CTXND1: variants seen among roughly 807,000 people sequenced by gnomAD.
CTXND1 encodes cortexin domain containing 1, also known as cortexin domain-containing 1 protein.
intron 1 of CTXND1, among the ~76,000 whole-genome samples, chr15:80,234,274 G>C (rs1893467650): frequency 6.6e-6 from 1 of 152,140 alleles, no homozygotes; most frequent in South Asian, 2.1e-4. Context: ...GAGACCAGGG[G>C]ACATTTGGAT....
At chr15:80,236,071 T>C (rs2141461186) in intron 1 of CTXND1, among the ~76,000 whole-genome samples, 1 of 149,394 alleles carries the variant, frequency 6.7e-6, no homozygotes, top group East Asian at 2.0e-4. Context: ...TAATGCTTGA[T>C]GGAACAGGGT....
rs2041432111 is a variant in CTXND1 at position 80,198,564 on chromosome 15, T to C, written c.*3206A>G. 1 of 152,254 alleles carries C rather than the reference T, an allele frequency of 6.6e-6. No individual in the cohort carries two copies. Among genetic ancestry groups the C allele is most frequent in the Admixed American group, 6.5e-5 (1 of 15,288 alleles). 9.4% of individuals were successfully genotyped at this position (152,254 alleles called of 1,614,324 possible). ...TGATCACAAAGGACCATCTCCTCTA[T>C]GCTTCAGCAGCATAATGCAACAACT... On this transcript the variant is annotated 3_prime_UTR_variant, in exon 3 of 3. Transcript: ENST00000560778.
intron 1 of CTXND1, among the ~76,000 whole-genome samples, chr15:80,204,023 C>T (rs970087968): frequency 4.0e-5 from 6 of 149,918 alleles, no homozygotes; most frequent in African/African-American, 1.2e-4. Context: ...TTTAGCCGGG[C>T]GTGGTGGTGC....
At chr15:80,203,303 C>G (rs1179142128) in intron 2 of CTXND1, among the ~76,000 whole-genome samples, 1 of 152,172 alleles carries the variant, frequency 6.6e-6, no homozygotes, top group Non-Finnish European at 1.5e-5. Flanking sequence ...CCCCTGGAAG[C>G]AAGTTACCCA....
At chr15:80,204,647 G>GTGTA (rs1399579470) in intron 1 of CTXND1, among the ~76,000 whole-genome samples, 4 of 131,398 alleles carry the variant, frequency 3.0e-5, no homozygotes, top group South Asian at 2.7e-4. Context: ...ATATTCCATT[G>GTGTA]TATATATATA....
chr15:80,232,940 C>CTTT (rs1567133478), intron 1 of CTXND1, among the ~76,000 whole-genome samples: 10 of 128,764 alleles, frequency 7.8e-5, no homozygotes, highest in African/African-American at 2.6e-4. Flanking sequence ...AATGCAACTT[C>CTTT]CTTTTTTTTT....
At chr15:80,246,403 C>T (rs1226912776) in intron 1 of CTXND1, among the ~76,000 whole-genome samples, 5 of 152,262 alleles carry the variant, frequency 3.3e-5, no homozygotes, top group Middle Eastern at 3.4e-3. Context: ...GCTGTTTATC[C>T]GTTTGTGATT....
rs1280577039 is a variant in CTXND1 at position 80,220,173 on chromosome 15, TTATC to T, written c.-217-16437_-217-16434del. Among the ~76,000 whole-genome samples, 908 of 144,754 alleles carry T rather than the reference TTATC, an allele frequency of 6.3e-3. 7 individuals are homozygous for T. Among genetic ancestry groups the T allele is most frequent in the African/African-American group, 0.023 (851 of 37,690 alleles). The allele number at this position is 144,754 out of a possible 152,430, so 95.0% of individuals were successfully genotyped here. ...TCTATCTATCTATCTATCTATCTAT[TTATC>T]TATCTATCTATATTAGAATTCTACA... On this transcript the variant is annotated intron_variant, in intron 1 of 2. Coordinates refer to ENST00000560778, the MANE Select transcript of CTXND1 (RefSeq NM_001352888.2).
chr15:80,240,515 C>G (rs774443901), intron 1 of CTXND1, among the ~76,000 whole-genome samples: 14 of 152,292 alleles, frequency 9.2e-5, no homozygotes, highest in Middle Eastern at 6.8e-3. Context: ...ACACTCCCCC[C>G]CCACCACCCA....
chr15:80,218,637 G>A (rs192419998), intron 1 of CTXND1, among the ~76,000 whole-genome samples: 135 of 151,116 alleles, frequency 8.9e-4, no homozygotes, highest in Admixed American at 2.4e-3. Flanking sequence ...TATATTTTCC[G>A]TTGATATTTT....
At chr15:80,241,605 G>A (rs1893567824) in intron 1 of CTXND1, among the ~76,000 whole-genome samples, 1 of 152,176 alleles carries the variant, frequency 6.6e-6, no homozygotes, top group South Asian at 2.1e-4. Flanking sequence ...TGCAGGGCAG[G>A]GTGGGTGCTC....
chr15:80,245,156 C>T (rs927200192), intron 1 of CTXND1, among the ~76,000 whole-genome samples: 2 of 152,122 alleles, frequency 1.3e-5, no homozygotes, highest in African/African-American at 2.4e-5. Context: ...CAGCGGCTAT[C>T]GTGATCATGC....
At chr15:80,231,924 G>A (rs537119998) in intron 1 of CTXND1, among the ~76,000 whole-genome samples, 2 of 152,286 alleles carry the variant, frequency 1.3e-5, no homozygotes, top group South Asian at 4.1e-4. Context: ...GGACTGTTAT[G>A]GTTATTAAGG....
Position 80,201,987 on chromosome 15 carries a change from C to T in CTXND1, c.-38G>A, listed in dbSNP as rs1004107511. ...ACTGCGGGCTGCTCCTCCTCCGCCTCGGGTTTGACTGGTACCATTTTCCAC... is the reference window on the plus strand; with the variant it reads ...ACTGCGGGCTGCTCCTCCTCCGCCTTGGGTTTGACTGGTACCATTTTCCAC... On this transcript the variant is annotated 5_prime_UTR_variant, in exon 3 of 3. Transcript: ENST00000560778. The T allele has an allele frequency of 7.5e-6, 3 of 398,960 alleles. No homozygotes were observed. The highest frequency in any genetic ancestry group is 3.6e-5 in the East Asian group (1 of 28,102). 24.7% of individuals were successfully genotyped at this position (398,960 alleles called of 1,614,324 possible). A position where few individuals can be genotyped will look rare whatever the true frequency, so the allele number is the denominator to read the frequency against.
At chr15:80,228,689 G>C (rs2142133729) in intron 1 of CTXND1, among the ~76,000 whole-genome samples, 1 of 151,152 alleles carries the variant, frequency 6.6e-6, no homozygotes, top group East Asian at 2.0e-4. Context: ...GAGTGCAGTG[G>C]TGCGATCTTG....
chr15:80,218,587 C>A (rs573206251), intron 1 of CTXND1, among the ~76,000 whole-genome samples: 1 of 151,848 alleles, frequency 6.6e-6, no homozygotes, highest in African/African-American at 2.4e-5. Context: ...GAATTGTTTT[C>A]TTATTATTTA....
At chr15:80,224,333 A>T (rs918471694) in intron 1 of CTXND1, among the ~76,000 whole-genome samples, 7 of 152,228 alleles carry the variant, frequency 4.6e-5, no homozygotes, top group African/African-American at 1.7e-4. Flanking sequence ...AATAATTGCT[A>T]TTGTTATAAG....
chr15:80,228,328 C>T (rs527573576), intron 1 of CTXND1, among the ~76,000 whole-genome samples: 31 of 152,328 alleles, frequency 2.0e-4, no homozygotes, highest in African/African-American at 7.5e-4. Context: ...TTCTTAATGG[C>T]ATCTAGAATG....
chr15:80,222,490 T>C (rs1893328756), intron 1 of CTXND1, among the ~76,000 whole-genome samples: 1 of 152,218 alleles, frequency 6.6e-6, no homozygotes, highest in Admixed American at 6.5e-5. Flanking sequence ...CTCTCTAATA[T>C]ACAATATCCA....
Sources: allele counts gnomAD v4.1 joint callset (sites outside exome capture counted in the v4.1 genomes callset), GRCh38; gene constraint gnomAD v4.1.1; transcripts MANE v1.5; gene names NCBI Gene and HGNC (gene_info 2026-07-23, HGNC 2026-07-21).